Variants in EYA2 observed in about 807,000 individuals in gnomAD.
EYA2 encodes EYA transcriptional coactivator and phosphatase 2.
Under a neutral mutation model 69.2 loss-of-function variants are expected in EYA2, and 31 were observed. That is an observed-to-expected ratio of 0.45 (90% confidence interval 0.34 to 0.60). The LOEUF (loss-of-function observed/expected upper bound fraction) is 0.60. Among genes scored for constraint, EYA2 ranks in the 20% least tolerant of loss-of-function variants. EYA2 has a pLI of 0.02. For missense variants in EYA2, 622 were observed against 701.2 expected, an observed-to-expected ratio of 0.89 and a Z score of 1.28; for synonymous variants, 257 against 279.4, an observed-to-expected ratio of 0.92 and a Z score of 0.80.
chr20:46,943,203 A>G (rs1208209259), intron 1 of EYA2, among the ~76,000 whole-genome samples: 1 of 152,236 alleles, frequency 6.6e-6, no homozygotes, highest in Non-Finnish European at 1.5e-5. Context: ...CCTAGTGGGT[A>G]GAGGTCAGGG....
rs138945028 is a variant in EYA2, at chr20:47,080,592, T to C, written c.661+6257T>C. 1.3e-3 allele frequency among the ~76,000 whole-genome samples: 191 copies of C among 152,246 alleles called. 1 individual carries two copies. The highest frequency in any genetic ancestry group is 3.9e-3 in the African/African-American group (163 of 41,542). On this transcript the variant is annotated intron_variant, in intron 7 of 15. Transcript: ENST00000327619. ...GAACTATTGTACAATATGGTGACTA[T>C]AGTTAATAAATAAGGTATTTGTATT...
intron 5 of EYA2, among the ~76,000 whole-genome samples, chr20:47,038,410 G>A (rs1397859720): frequency 6.6e-6 from 1 of 152,188 alleles, no homozygotes; most frequent in East Asian, 1.9e-4. Flanking sequence ...AGGATTGCTT[G>A]AGCCCAGGAG....
At chr20:46,949,195 G>A (rs963002377) in intron 1 of EYA2, among the ~76,000 whole-genome samples, 1 of 152,196 alleles carries the variant, frequency 6.6e-6, no homozygotes, top group African/African-American at 2.4e-5. Flanking sequence ...GTCTTTAAAT[G>A]CTATTGGCAG....
intron 5 of EYA2, among the ~76,000 whole-genome samples, chr20:47,046,754 C>T (rs982399581): frequency 3.3e-5 from 5 of 152,064 alleles, no homozygotes; most frequent in Admixed American, 1.3e-4. Flanking sequence ...CCAGGTTTGA[C>T]ACTGTAAAAT....
chr20:47,131,338 C>T (rs1449895109), intron 9 of EYA2, among the ~76,000 whole-genome samples: 1 of 152,196 alleles, frequency 6.6e-6, no homozygotes, highest in African/African-American at 2.4e-5. Flanking sequence ...GCTTCCCCCA[C>T]AAATTTCCAA....
At chr20:47,160,175 G>C (rs747429712) in intron 10 of EYA2, among the ~76,000 whole-genome samples, 1 of 152,152 alleles carries the variant, frequency 6.6e-6, no homozygotes, top group African/African-American at 2.4e-5. Flanking sequence ...GGAGGATAGG[G>C]GCTAGATAAG....
chr20:46,949,276 T>A (rs1235053378), intron 1 of EYA2, among the ~76,000 whole-genome samples: 3 of 152,246 alleles, frequency 2.0e-5, no homozygotes, highest in Non-Finnish European at 4.4e-5. Context: ...AAAACATACA[T>A]GAGCCGGTTC....
chr20:47,116,072 A>G (rs372049346), intron 9 of EYA2, among the ~76,000 whole-genome samples: 1 of 151,546 alleles, frequency 6.6e-6, no homozygotes, highest in East Asian at 1.9e-4. Flanking sequence ...AAAACCTCCT[A>G]CTGATGGTTC....
At chr20:46,986,448 G>GTA (rs1027616182) in intron 1 of EYA2, among the ~76,000 whole-genome samples, 4 of 17,902 alleles carry the variant, frequency 2.2e-4, no homozygotes, top group Non-Finnish European at 1.3e-3. Flanking sequence ...TATCTAATGT[G>GTA]TATATATATA....
intron 1 of EYA2, chr20:46,901,388 T>C (rs888239754): frequency 2.0e-5 from 3 of 152,248 alleles, no homozygotes; most frequent in Non-Finnish European, 4.4e-5. Context: ...GTTCCCACTA[T>C]GTTTTCTAGC....
chr20:46,968,451 A>G (rs1243830058), intron 1 of EYA2, among the ~76,000 whole-genome samples: 3 of 152,198 alleles, frequency 2.0e-5, no homozygotes, highest in Admixed American at 6.5e-5. Flanking sequence ...ACAGATGAGC[A>G]GGGACTCACG....
At chr20:46,999,364 G>A (rs543710964) in intron 2 of EYA2, among the ~76,000 whole-genome samples, 10 of 152,280 alleles carry the variant, frequency 6.6e-5, no homozygotes, top group African/African-American at 2.4e-4. Context: ...CCGCCTAGGA[G>A]CAAACCCAGG....
At chr20:47,179,736 C>G in intron 12 of EYA2, 62 bp from the exon 13 acceptor site, 1 of 1,243,722 alleles carries the variant, frequency 8.0e-7, no homozygotes, top group Non-Finnish European at 1.2e-6. Context: ...TTCCTGTTCC[C>G]TACCTTCATC....
At chr20:46,938,802 C>T (rs373581457) in intron 1 of EYA2, among the ~76,000 whole-genome samples, 32 of 152,094 alleles carry the variant, frequency 2.1e-4, no homozygotes, top group Admixed American at 1.3e-4. Context: ...GGGGACTACA[C>T]GGGGGTGTGA....
intron 9 of EYA2, among the ~76,000 whole-genome samples, chr20:47,119,165 C>G (rs2032980652): frequency 6.6e-6 from 1 of 152,206 alleles, no homozygotes; most frequent in Non-Finnish European, 1.5e-5. Context: ...TACTTATTTC[C>G]CAACAATAGT....
chr20:47,028,614 C>T (rs888767920), intron 5 of EYA2, among the ~76,000 whole-genome samples: 1 of 152,208 alleles, frequency 6.6e-6, no homozygotes, highest in Non-Finnish European at 1.5e-5. Context: ...CAAATACAGT[C>T]CCTGCCCCCC....
intron 5 of EYA2, among the ~76,000 whole-genome samples, chr20:47,057,137 GGGAGGA>G (rs1195099899): frequency 8.0e-6 from 1 of 124,746 alleles, no homozygotes; most frequent in African/African-American, 3.3e-5. Context: ...ACAGGAAGGA[GGGAGGA>G]AGGAAGGAAG....
At chr20:47,163,347 A>G (rs540919446) in intron 10 of EYA2, among the ~76,000 whole-genome samples, 9 of 152,198 alleles carry the variant, frequency 5.9e-5, no homozygotes, top group African/African-American at 1.9e-4. Flanking sequence ...ATGATTCTTT[A>G]ACCTGCGTTT....
At chr20:47,186,128 C>T (rs2034634853) in intron 15 of EYA2, among the ~76,000 whole-genome samples, 1 of 152,114 alleles carries the variant, frequency 6.6e-6, no homozygotes, top group Non-Finnish European at 1.5e-5. Context: ...ATTCTGTTTC[C>T]TTCCTAGCAC....
Sources: allele counts gnomAD v4.1 joint callset (sites outside exome capture counted in the v4.1 genomes callset), GRCh38; gene constraint gnomAD v4.1.1; transcripts MANE v1.5; gene names NCBI Gene and HGNC (gene_info 2026-07-23, HGNC 2026-07-21).